TPRG1: variants seen among roughly 807,000 people sequenced by gnomAD.
The protein encoded by TPRG1 is tumor protein p63-regulated gene 1 protein.
A neutral mutation model predicts 29.3 loss-of-function variants in TPRG1; 29 were observed. The ratio of observed to expected loss-of-function variants is 0.99; its 90% CI spans 0.74 to 1.35. The LOEUF is 1.35. TPRG1 is among the 40% of genes most tolerant of loss of function. TPRG1 has a pLI of 0.00. For synonymous variants in TPRG1, 130 were observed against 116.8 expected, an observed-to-expected ratio of 1.11 and a Z score of -0.73; for missense variants, 327 against 335.0, an observed-to-expected ratio of 0.98 and a Z score of 0.19.
chr3:189,283,071 CTT>C (rs1717428113), intron 4 of TPRG1, among the ~76,000 whole-genome samples: 1 of 152,126 alleles, frequency 6.6e-6, no homozygotes, highest in South Asian at 2.1e-4. Flanking sequence ...AAAAAGGAAA[CTT>C]TAAATCAACC....
intron 4 of TPRG1, among the ~76,000 whole-genome samples, chr3:189,308,662 C>T (rs1042049244): frequency 7.9e-5 from 12 of 152,164 alleles, no homozygotes; most frequent in Middle Eastern, 3.2e-3. Flanking sequence ...GAATTTCATG[C>T]TCAAACTTCA....
chr3:189,085,264 T>C (rs183899060), intron 4 of TPRG1, among the ~76,000 whole-genome samples: 4 of 152,338 alleles, frequency 2.6e-5, no homozygotes, highest in Admixed American at 2.6e-4. Context: ...TGTGTCAGTC[T>C]GTCAATGAGC....
intron 3 of TPRG1, among the ~76,000 whole-genome samples, chr3:189,237,810 A>G (rs1739773975): frequency 1.3e-5 from 2 of 152,152 alleles, no homozygotes; most frequent in South Asian, 4.1e-4. Flanking sequence ...TGTGGTGAGG[A>G]TTTAGACATG....
In TPRG1 at chr3:189,322,465, G is replaced by A. The variant is rs1724404557; in HGVS notation, c.*1645G>A. 1 of 152,338 alleles carries A rather than the reference G, an allele frequency of 6.6e-6. No homozygotes were observed. Among genetic ancestry groups the A allele is most frequent in the Admixed American group, 6.6e-5 (1 of 15,230 alleles). The allele number at this position is 152,338 out of a possible 1,614,324, so 9.4% of individuals were successfully genotyped here. A position where few individuals can be genotyped will look rare whatever the true frequency, so the allele number is the denominator to read the frequency against. On this transcript the variant is annotated 3_prime_UTR_variant, in exon 6 of 6. Transcript: ENST00000345063. The stretch of plus-strand genomic sequence containing the variant: ...ATATTGTTATAGTCCCCAAGGCAGG[G>A]AACTTCTATTCAGACTGTAAAAGGA...
intron 5 of TPRG1, among the ~76,000 whole-genome samples, chr3:189,160,862 G>A (rs376142408): frequency 1.3e-5 from 2 of 152,134 alleles, no homozygotes; most frequent in African/African-American, 4.8e-5. Flanking sequence ...TGTTTTTTGT[G>A]TGTTTGTTTG....
intron 4 of TPRG1, among the ~76,000 whole-genome samples, chr3:189,290,916 T>C (rs1463184359): frequency 6.6e-6 from 1 of 152,130 alleles, no homozygotes; most frequent in Non-Finnish European, 1.5e-5. Flanking sequence ...TTTGTTGTTG[T>C]TGTTGAGACG....
At chr3:189,157,924 A>G (rs1726915471) in intron 5 of TPRG1, among the ~76,000 whole-genome samples, 1 of 152,214 alleles carries the variant, frequency 6.6e-6, no homozygotes, top group Non-Finnish European at 1.5e-5. Flanking sequence ...TATACAATGT[A>G]TGTTGTAGAG....
chr3:189,312,172 TC>T (rs1560689572), intron 5 of TPRG1, among the ~76,000 whole-genome samples: 2,293 of 74,554 alleles, frequency 0.031, 31 homozygotes, highest in South Asian at 0.096. Context: ...TTTCTTTCTT[TC>T]TTTCTTTCTT....
At chr3:189,224,475 T>A (rs1737404080) in intron 3 of TPRG1, among the ~76,000 whole-genome samples, 1 of 151,616 alleles carries the variant, frequency 6.6e-6, no homozygotes, top group African/African-American at 2.4e-5. Context: ...CGAGACTCCA[T>A]CTCAAACAAC....
At chr3:189,308,910 A>T (rs1722024224) in intron 4 of TPRG1, among the ~76,000 whole-genome samples, 1 of 152,170 alleles carries the variant, frequency 6.6e-6, no homozygotes, top group Admixed American at 6.5e-5. Flanking sequence ...CCAGAAAAAA[A>T]AGAGCTGGGG....
chr3:189,144,018 G>A (rs976627926), intron 3 of TPRG1, among the ~76,000 whole-genome samples: 8 of 152,176 alleles, frequency 5.3e-5, no homozygotes, highest in Admixed American at 2.0e-4. Flanking sequence ...TCTTCCCACA[G>A]TCTAATGACC....
chr3:189,014,816 G>A (rs1415546393), intron 3 of TPRG1, among the ~76,000 whole-genome samples: 1 of 152,084 alleles, frequency 6.6e-6, no homozygotes, highest in Non-Finnish European at 1.5e-5. Flanking sequence ...TGTTAAGCCT[G>A]GAGAACTGAG....
chr3:189,005,744 C>T (rs923939648), intron 3 of TPRG1, among the ~76,000 whole-genome samples: 2 of 152,032 alleles, frequency 1.3e-5, no homozygotes, highest in Non-Finnish European at 1.5e-5. Flanking sequence ...ATCTAATTTT[C>T]TTCTTCCTTT....
chr3:189,225,926 A>T (rs1198019617), intron 3 of TPRG1, among the ~76,000 whole-genome samples: 1 of 152,254 alleles, frequency 6.6e-6, no homozygotes, highest in Non-Finnish European at 1.5e-5. Flanking sequence ...TTATCTAATG[A>T]TAAAAGAGAC....
chr3:189,137,100 C>T (rs577767573), intron 3 of TPRG1, among the ~76,000 whole-genome samples: 1 of 152,294 alleles, frequency 6.6e-6, no homozygotes, highest in South Asian at 2.1e-4. Flanking sequence ...AGGACTCAAA[C>T]CTGGGCTTCC....
chr3:189,186,902 A>C (rs1358081120), intron 1 of TPRG1, among the ~76,000 whole-genome samples: 3 of 151,480 alleles, frequency 2.0e-5, no homozygotes, highest in Admixed American at 1.3e-4. Flanking sequence ...TCTAGCATAG[A>C]TTCAGTCAAT....
In TPRG1 at chr3:189,250,506, C is replaced by CCT. The variant is rs1553931532; in HGVS notation, c.479+11598_479+11599insTC. Among the ~76,000 whole-genome samples the CCT allele has an allele frequency of 9.4e-5, 6 of 63,604 alleles. 1 individual carries two copies. Among genetic ancestry groups the CCT allele is most frequent in the African/African-American group, 4.7e-4 (6 of 12,642 alleles). The allele number at this position is 63,604 out of a possible 152,430, so 41.7% of individuals were successfully genotyped here. A position where few individuals can be genotyped will look rare whatever the true frequency, so the allele number is the denominator to read the frequency against. On this transcript the variant is annotated intron_variant, in intron 4 of 5. Coordinates refer to ENST00000345063, the MANE Select transcript of TPRG1 (RefSeq NM_198485.4). ...GGTGTTAACAAGTTCTGATTTCCGC[C>CCT]CCCCCCCCCCCACCCAGATTAAAGC...
intron 1 of TPRG1, among the ~76,000 whole-genome samples, chr3:189,111,804 A>G (rs556617284): frequency 6.6e-6 from 1 of 152,232 alleles, no homozygotes; most frequent in South Asian, 2.1e-4. Flanking sequence ...CCTATGAATC[A>G]AGTCTTGCCT....
chr3:189,215,012 A>G (rs1560562716), intron 2 of TPRG1, among the ~76,000 whole-genome samples: 1 of 146,196 alleles, frequency 6.8e-6, no homozygotes, highest in South Asian at 2.3e-4. Flanking sequence ...CTTGTTTGGG[A>G]AAACTGTTCC....
Sources: allele counts gnomAD v4.1 joint callset (sites outside exome capture counted in the v4.1 genomes callset), GRCh38; gene constraint gnomAD v4.1.1; transcripts MANE v1.5; gene names NCBI Gene and HGNC (gene_info 2026-07-23, HGNC 2026-07-21).